The following KIAA1328 variants were observed in gnomAD, a reference collection of about 807,000 sequenced individuals.
The protein encoded by KIAA1328 is protein hinderin.
KIAA1328 carries 52 observed loss-of-function variants against 68.1 expected under a neutral mutation model. The observed-to-expected ratio is 0.76, with a 90% CI of 0.61 to 0.96. The LOEUF (loss-of-function observed/expected upper bound fraction) is 0.96, where lower values mean the gene tolerates loss of function less well. Among genes scored for constraint, KIAA1328 ranks in the 40% least tolerant of loss-of-function variants. The pLI is 0.00. For missense variants in KIAA1328, 641 were observed against 677.6 expected (o/e 0.95, Z 0.60); for synonymous variants, 232 against 239.4 (o/e 0.97, Z 0.28).
chr18:37,042,378 T>C (rs55811995), intron 6 of KIAA1328, among the ~76,000 whole-genome samples: 1 of 152,148 alleles, frequency 6.6e-6, no homozygotes, highest in African/African-American at 2.4e-5. Context: ...AAGATTTTCT[T>C]CAGCATTTCT....
chr18:36,922,965 T>C (rs1023202384), intron 5 of KIAA1328, among the ~76,000 whole-genome samples: 1 of 152,174 alleles, frequency 6.6e-6, no homozygotes, highest in African/African-American at 2.4e-5. Flanking sequence ...TGATACACTT[T>C]AATATTATAT....
intron 7 of KIAA1328, among the ~76,000 whole-genome samples, chr18:37,145,968 T>C (rs995407720): frequency 1.3e-5 from 2 of 152,198 alleles, no homozygotes; most frequent in African/African-American, 4.8e-5. Flanking sequence ...ACTGTTGAAC[T>C]TAGGTCTACC....
chr18:36,837,081 T>A (rs963643788), intron 3 of KIAA1328, among the ~76,000 whole-genome samples: 1 of 152,208 alleles, frequency 6.6e-6, no homozygotes, highest in East Asian at 1.9e-4. Context: ...AGTTTTTGTG[T>A]AGACATATAT....
chr18:36,975,461 C>T (rs1480244002), intron 6 of KIAA1328, among the ~76,000 whole-genome samples: 1 of 152,106 alleles, frequency 6.6e-6, no homozygotes, highest in Non-Finnish European at 1.5e-5. Context: ...GGATTACAGG[C>T]GTGAGCCACC....
rs372343974 is a variant in KIAA1328 at position 36,910,815 on chromosome 18, G to A, written c.448+25143G>A. On this transcript the variant is annotated intron_variant, in intron 5 of 9. Transcript: ENST00000280020. Reference sequence around the variant, plus strand: ...TTATTTCGTTGAGCAGTGGTTTGTAGTTCTCCTTTTTAAACCTGTGCTTTA... The same window carrying A: ...TTATTTCGTTGAGCAGTGGTTTGTAATTCTCCTTTTTAAACCTGTGCTTTA... Among the ~76,000 whole-genome samples the A allele has an allele frequency of 1.3e-4, 20 of 152,140 alleles. No individual in the cohort carries two copies. The East Asian group carries it at 2.7e-3, about 21-fold the overall frequency.
At chr18:37,057,433 T>A (rs1023333360) in intron 6 of KIAA1328, among the ~76,000 whole-genome samples, 1 of 151,418 alleles carries the variant, frequency 6.6e-6, no homozygotes, top group East Asian at 1.9e-4. Context: ...ATGAATTTTT[T>A]TTTTTTTTTT....
intron 9 of KIAA1328, among the ~76,000 whole-genome samples, chr18:37,177,209 G>A (rs1380498043): frequency 6.6e-6 from 1 of 152,140 alleles, no homozygotes; most frequent in Non-Finnish European, 1.5e-5. Context: ...CTATTCAGAT[G>A]TGTAGATCTG....
intron 7 of KIAA1328, among the ~76,000 whole-genome samples, chr18:37,071,037 T>G (rs2056507235): frequency 6.6e-6 from 1 of 150,636 alleles, no homozygotes; most frequent in African/African-American, 2.5e-5. Context: ...TTTCCTTTTT[T>G]GTTTTTGATT....
intron 4 of KIAA1328, among the ~76,000 whole-genome samples, chr18:36,883,311 T>A (rs2048380993): frequency 6.6e-6 from 1 of 152,222 alleles, no homozygotes; most frequent in Non-Finnish European, 1.5e-5. Context: ...CCACACCATA[T>A]GTGACAGGTC....
At chr18:37,185,835 T>C (rs1220130890) in intron 9 of KIAA1328, among the ~76,000 whole-genome samples, 1 of 152,084 alleles carries the variant, frequency 6.6e-6, no homozygotes, top group Non-Finnish European at 1.5e-5. Flanking sequence ...TCTGTTTTTC[T>C]CCTTCAGCTT....
chr18:36,962,367 T>G (rs180844738), intron 6 of KIAA1328, among the ~76,000 whole-genome samples: 2 of 152,160 alleles, frequency 1.3e-5, no homozygotes, highest in Non-Finnish European at 2.9e-5. Context: ...GATACAATAA[T>G]AATGGGAGAA....
intron 7 of KIAA1328, among the ~76,000 whole-genome samples, chr18:37,077,966 T>A (rs1224768791): frequency 6.6e-6 from 1 of 152,120 alleles, no homozygotes; most frequent in African/African-American, 2.4e-5. Flanking sequence ...TTCACAGAAT[T>A]GGAAAAAACT....
intron 6 of KIAA1328, among the ~76,000 whole-genome samples, chr18:37,022,970 C>T (rs1400269377): frequency 6.6e-6 from 1 of 152,174 alleles, no homozygotes; most frequent in Non-Finnish European, 1.5e-5. Context: ...GTAAACTCTA[C>T]AGTCACTGAA....
intron 8 of KIAA1328, among the ~76,000 whole-genome samples, chr18:37,172,084 A>G (rs1425476981): frequency 6.6e-6 from 1 of 152,202 alleles, no homozygotes; most frequent in Non-Finnish European, 1.5e-5. Context: ...AAGTTAGCAT[A>G]CTGCACTCCT....
At position 36,844,271 on chromosome 18, in the gene KIAA1328, C is replaced by T. The variant is rs746827088; in HGVS notation, c.301C>T (p.Arg101Cys). ...GGATTTATGTCTTGAAGACAAAAGA[C>T]GCATTGCAAACTTAATTAAAGAACT... is the stretch of plus-strand genomic sequence containing the variant. ...LKDLCLEDKR[R>C]IANLIKELAR... Residue 101 changes from arginine to cysteine, a missense_variant, in exon 4 of 10, where the codon CGC (arginine) becomes TGC (cysteine). Coordinates refer to ENST00000280020, the MANE Select transcript of KIAA1328 (RefSeq NM_020776.3). The T allele has an allele frequency of 4.3e-5, 69 of 1,603,970 alleles. No homozygotes were observed. The highest frequency in any genetic ancestry group is 4.3e-4 in the South Asian group (38 of 89,174).
chr18:37,054,231 C>T (rs758011596), intron 6 of KIAA1328, among the ~76,000 whole-genome samples: 5 of 152,076 alleles, frequency 3.3e-5, no homozygotes, highest in African/African-American at 1.2e-4. Flanking sequence ...ATTAGTTCAT[C>T]CCCTATGGAA....
At chr18:37,075,867 C>T (rs1393596278) in intron 7 of KIAA1328, among the ~76,000 whole-genome samples, 1 of 152,162 alleles carries the variant, frequency 6.6e-6, no homozygotes. Flanking sequence ...GACTTAGACT[C>T]CCACAGAATA....
At chr18:36,867,552 A>G (rs1002792326) in intron 4 of KIAA1328, among the ~76,000 whole-genome samples, 6 of 152,254 alleles carry the variant, frequency 3.9e-5, no homozygotes, top group African/African-American at 1.4e-4. Context: ...AGCAAAAACT[A>G]TAACTTCTTT....
At chr18:37,195,404 G>C (rs1246676548) in intron 9 of KIAA1328, among the ~76,000 whole-genome samples, 1 of 152,064 alleles carries the variant, frequency 6.6e-6, no homozygotes, top group Admixed American at 6.5e-5. Context: ...CCCATGTCCT[G>C]TAGCATCTCC....
Sources: gnomAD v4.1 joint callset for allele counts (sites outside exome capture counted in the v4.1 genomes callset) on GRCh38, gnomAD v4.1.1 for gene constraint, MANE v1.5 for transcripts, NCBI Gene and HGNC (gene_info 2026-07-23, HGNC 2026-07-21) for gene names.